The following IGSF8 variants were observed in gnomAD, a reference collection of about 807,000 sequenced individuals.
IGSF8 encodes CD81 partner 3.
IGSF8 carries 46 observed loss-of-function variants against 55.5 expected under a neutral mutation model. The ratio of observed to expected loss-of-function variants is 0.83; its 90% CI spans 0.65 to 1.06. IGSF8 has a LOEUF of 1.06. IGSF8 is among the 50% of genes least tolerant of loss of function. The probability of loss-of-function intolerance (pLI) is 0.00; values close to 1 mark genes in which losing one functional copy is unlikely to be tolerated. For synonymous variants in IGSF8, 314 were observed against 356.1 expected (o/e 0.88, Z 1.33); for missense variants, 731 against 832.3 (o/e 0.88, Z 1.50).
In IGSF8 at chr1:160,093,105, T is replaced by C. The variant is rs1200260129; in HGVS notation, c.1131A>G (p.Arg377=). 1 of 1,613,896 alleles carries C rather than the reference T, an allele frequency of 6.2e-7. No homozygotes were observed. Among genetic ancestry groups the C allele is most frequent in the Non-Finnish European group, 8.5e-7 (1 of 1,179,838 alleles). ...VGSLGPGYEG[R]HIAMEKVASR... ...ATGCCACCTTCTCCATGGCAATGTG[T>C]CGGCCCTCATAGCCAGGGCCCAGGC... is the stretch of plus-strand genomic sequence containing the variant. The change falls in exon 4 of 7, where the codon CGA becomes CGG. Residue 377 remains arginine, a synonymous_variant. Transcript: ENST00000314485.
upstream of IGSF8, among the ~76,000 whole-genome samples, chr1:160,099,241 G>T (rs545437489): frequency 2.0e-5 from 3 of 152,204 alleles, no homozygotes; most frequent in South Asian, 6.2e-4. Context: ...GGAGAGTTGG[G>T]TGCAGGGTCC....
chr1:160,093,742 G>C lies in IGSF8; in HGVS notation c.872C>G (p.Ala291Gly). 1.2e-6 allele frequency: 2 copies of C among 1,612,574 alleles called. No individual in the cohort carries two copies. The highest frequency in any genetic ancestry group is 1.7e-6 in the Non-Finnish European group (2 of 1,179,088). ...GSWAQIAEKR[A>G]VLAHVDVQTL... The stretch of plus-strand genomic sequence containing the variant: ...CTGCACATCCACGTGGGCCAGGACG[G>C]CCCTTTTCTCTGCAATCTGGGCCCA... The change falls in exon 3 of 7, where the codon GCC becomes GGC. Residue 291 changes from alanine to glycine, a missense_variant. Transcript: ENST00000314485.
intron 3 of IGSF8, 44 bp from the exon 4 acceptor site, chr1:160,093,375 G>A: frequency 2.0e-6 from 3 of 1,520,734 alleles, no homozygotes; most frequent in Non-Finnish European, 2.7e-6. Flanking sequence ...GGCAGGAGGG[G>A]ACACAGAGGC....
At position 160,093,207 on chromosome 1, in the gene IGSF8, TAC is replaced by T. The variant is rs1309360074; in HGVS notation, c.1027_1028del (p.Val343ArgfsTer32). The T allele has an allele frequency of 1.9e-6, 3 of 1,613,880 alleles. No individual in the cohort carries two copies. Among genetic ancestry groups the T allele is most frequent in the African/African-American group, 1.3e-5 (1 of 74,914 alleles). On this transcript the variant is annotated frameshift_variant, in exon 4 of 7. Coordinates refer to ENST00000314485, the MANE Select transcript of IGSF8 (RefSeq NM_052868.6). LOFTEE classifies it high-confidence loss of function. The part of the protein sequence containing the change: ...PPAGRHAAYS[V>X]GWEMAPAGAP... ...CCCCCGCAGGTGCCATCTCCCAACC[TAC>T]AGAGTATGCAGCATGACGGCCTGCT...
Position 160,092,351 on chromosome 1 carries a change from C to T in IGSF8, c.1657G>A (p.Ala553Thr), listed in dbSNP as rs1401496781. ...HCAPSAWVQH[A>T]DYSWYQAGSA... ...CCCGCCTGGTACCAGCTGTAGTCGG[C>T]ATGCTGCACCCAGGCGCTGGGGGCA... Residue 553 changes from alanine (A) to threonine (T), a missense_variant, in exon 5 of 7, where the codon GCC (alanine) becomes ACC (threonine). Transcript: ENST00000314485. 6 of 1,613,960 alleles carry T rather than the reference C, an allele frequency of 3.7e-6. No individual in the cohort carries two copies. The highest frequency in any genetic ancestry group is 1.7e-5 in the Admixed American group (1 of 60,012).
Position 160,095,073 on chromosome 1 carries a change from T to G in IGSF8, c.238A>C (p.Ser80Arg). ...EAPDTALGIVSTKDTQFSYAV... is the reference protein window; with the variant it reads ...EAPDTALGIVRTKDTQFSYAV... ...TAGGAGAACTGGGTATCCTTGGTACTGACAATGCCCAGTGCAGTATCTGGG... is the reference window on the plus strand; with the variant it reads ...TAGGAGAACTGGGTATCCTTGGTACGGACAATGCCCAGTGCAGTATCTGGG... Residue 80 changes from serine to arginine, a missense_variant, in exon 2 of 7, where the codon AGT becomes CGT. By Grantham distance (110) the Ser-to-Arg change is moderately radical (BLOSUM62 -1). Coordinates refer to ENST00000314485, the MANE Select transcript of IGSF8 (RefSeq NM_052868.6). 6.2e-7 allele frequency: 1 copy of G among 1,614,148 alleles called. No individual in the cohort carries two copies. Among genetic ancestry groups the G allele is most frequent in the South Asian group, 1.1e-5 (1 of 91,086 alleles).
chr1:160,098,843 G>A (rs1423037615), upstream of IGSF8: 1,339 of 103,400 alleles, frequency 0.013, 61 homozygotes, highest in African/African-American at 0.068. Context: ...CCTTTGAGTC[G>A]CATCGAGTCC....
chr1:160,096,875 C>A (rs956981401), intron 1 of IGSF8, among the ~76,000 whole-genome samples: 1 of 152,220 alleles, frequency 6.6e-6, no homozygotes, highest in African/African-American at 2.4e-5. Flanking sequence ...GCCAAGCTGA[C>A]ACCTTCCCTG....
In IGSF8 at chr1:160,091,866, C is replaced by A; in HGVS notation, c.1799G>T (p.Gly600Val). The stretch of plus-strand genomic sequence containing the variant: ...CTTCATGAAGCAGCAAGTGATGGTA[C>A]CAAGGACAGTGGCACCAGTGACTAG... ...VALVTGATVL[G>V]TITCCFMKRL... Residue 600 changes from glycine to valine, a missense_variant, in exon 6 of 7, where the codon GGT (glycine) becomes GTT (valine). By Grantham distance (109) the Gly-to-Val change is moderately radical. Coordinates refer to ENST00000314485, the MANE Select transcript of IGSF8 (RefSeq NM_052868.6). The A allele has an allele frequency of 6.2e-7, 1 of 1,614,018 alleles. No individual in the cohort carries two copies. The highest frequency in any genetic ancestry group is 8.5e-7 in the Non-Finnish European group (1 of 1,179,958).
intron 1 of IGSF8, 101 bp downstream of exon 1, chr1:160,098,308 C>T: frequency 6.8e-7 from 1 of 1,470,696 alleles, no homozygotes; most frequent in Non-Finnish European, 9.0e-7. Flanking sequence ...GGAGGTACCC[C>T]TGACGGAGGA....
upstream of IGSF8, chr1:160,098,633 C>T (rs1238491752): frequency 8.9e-6 from 5 of 559,204 alleles, no homozygotes; most frequent in Non-Finnish European, 1.6e-5. Flanking sequence ...CTCCCTCCGC[C>T]CCTCCCGCTG....
upstream of IGSF8, among the ~76,000 whole-genome samples, chr1:160,099,146 G>A (rs1242848380): frequency 2.0e-5 from 3 of 151,622 alleles, no homozygotes; most frequent in African/African-American, 7.3e-5. Flanking sequence ...CCCCGCAGGA[G>A]TGAGCTAACT....
intron 3 of IGSF8, 132 bp from the exon 4 acceptor site, chr1:160,093,463 A>G: frequency 1.1e-6 from 1 of 896,660 alleles, no homozygotes; most frequent in Non-Finnish European, 1.7e-6. Context: ...ACTAGGTATG[A>G]CCATCTTTCT....
Position 160,093,182 on chromosome 1 carries a change from C to T in IGSF8, c.1054G>A (p.Ala352Thr), listed in dbSNP as rs1483395923. The part of the protein sequence containing the change: ...SVGWEMAPAG[A>T]PGPGRLVAQL... The stretch of plus-strand genomic sequence containing the variant: ...GCTACCAGGCGGCCGGGCCCAGGTG[C>T]CCCCGCAGGTGCCATCTCCCAACCT... The change falls in exon 4 of 7, where the codon GCA becomes ACA. Residue 352 changes from alanine to threonine, a missense_variant. Ala to Thr is a moderately conservative substitution (Grantham distance 58). Coordinates refer to ENST00000314485, the MANE Select transcript of IGSF8 (RefSeq NM_052868.6). 1.1e-5 allele frequency: 18 copies of T among 1,613,416 alleles called. No homozygotes were observed. Among genetic ancestry groups the T allele is most frequent in the Non-Finnish European group, 1.4e-5 (16 of 1,179,760 alleles).
intron 1 of IGSF8, chr1:160,097,633 G>A (rs2101968010): frequency 1.0e-6 from 1 of 973,226 alleles, no homozygotes; most frequent in South Asian, 4.8e-5. Flanking sequence ...CTCCAGTTCA[G>A]GCCAAAAACA....
chr1:160,095,845 C>T (rs960295256), intron 1 of IGSF8, among the ~76,000 whole-genome samples: 1 of 152,226 alleles, frequency 6.6e-6, no homozygotes, highest in Non-Finnish European at 1.5e-5. Flanking sequence ...CACTGCTTCT[C>T]TCACCCCACA....
intron 1 of IGSF8, among the ~76,000 whole-genome samples, chr1:160,095,696 G>A (rs1312302309): frequency 6.6e-6 from 1 of 152,248 alleles, no homozygotes; most frequent in Non-Finnish European, 1.5e-5. Context: ...GGAGCTGGCA[G>A]TCTTGCTCAG....
In IGSF8 at chr1:160,093,182, C is replaced by G. The variant is rs1483395923; in HGVS notation, c.1054G>C (p.Ala352Pro). The G allele has an allele frequency of 6.2e-7, 1 of 1,613,534 alleles. No homozygotes were observed. Among genetic ancestry groups the G allele is most frequent in the South Asian group, 1.1e-5 (1 of 90,988 alleles). The change falls in exon 4 of 7, where the codon GCA becomes CCA. Residue 352 changes from alanine (A) to proline (P), a missense_variant. Transcript: ENST00000314485. ...GCTACCAGGCGGCCGGGCCCAGGTG[C>G]CCCCGCAGGTGCCATCTCCCAACCT... ...SVGWEMAPAGAPGPGRLVAQL... is the reference protein window; with the variant it reads ...SVGWEMAPAGPPGPGRLVAQL...
Position 160,091,447 on chromosome 1 carries a change from A to C in IGSF8, c.*177T>G. The C allele has an allele frequency of 4.3e-6, 1 of 232,582 alleles. No homozygotes were observed. Among genetic ancestry groups the C allele is most frequent in the Non-Finnish European group, 8.5e-6 (1 of 118,002 alleles). 14.4% of individuals were successfully genotyped at this position (232,582 alleles called of 1,614,324 possible). On this transcript the variant is annotated 3_prime_UTR_variant, in exon 7 of 7. Coordinates refer to ENST00000314485, the MANE Select transcript of IGSF8 (RefSeq NM_052868.6). ...AGATCAAGAACAGAAGGCCAGAGGG[A>C]GGGGCTTGGGAGGGAAGGAGTGGGG...
Sources: allele counts gnomAD v4.1 joint callset (sites outside exome capture counted in the v4.1 genomes callset), GRCh38; gene constraint gnomAD v4.1.1; transcripts MANE v1.5; gene names NCBI Gene and HGNC (gene_info 2026-07-23, HGNC 2026-07-21).